NEDD4L: variants seen among roughly 807,000 people sequenced by gnomAD.
The protein encoded by NEDD4L is NEDD4 like E3 ubiquitin protein ligase, also known as E3 ubiquitin-protein ligase NEDD4-like.
A neutral mutation model predicts 148.9 loss-of-function variants in NEDD4L; 54 were observed. The observed-to-expected ratio is 0.36, with a 90% CI of 0.29 to 0.45. The LOEUF (loss-of-function observed/expected upper bound fraction) is 0.45, where lower values mean the gene tolerates loss of function less well. NEDD4L is among the 20% of genes least tolerant of loss of function. The pLI, the probability that NEDD4L is intolerant of heterozygous loss-of-function variation, is 1.00. For synonymous variants in NEDD4L, 433 were observed against 440.7 expected, an observed-to-expected ratio of 0.98 and a Z score of 0.22; for missense variants, 856 against 1,233.8, an observed-to-expected ratio of 0.69 and a Z score of 4.59.
At chr18:58,060,139 G>A (rs2082262641) in intron 1 of NEDD4L, among the ~76,000 whole-genome samples, 1 of 149,850 alleles carries the variant, frequency 6.7e-6, no homozygotes, top group Admixed American at 6.7e-5. Flanking sequence ...GTTGGTTGGG[G>A]GTGGGGTTGG....
intron 1 of NEDD4L, among the ~76,000 whole-genome samples, chr18:58,067,654 T>C (rs1255766197): frequency 6.6e-6 from 1 of 152,202 alleles, no homozygotes; most frequent in Non-Finnish European, 1.5e-5. Flanking sequence ...TGCCACACTT[T>C]TAGTGCTCCT....
rs899936032 is a variant in NEDD4L, at chr18:58,164,122, T to A, written c.49-1666T>A. Among the ~76,000 whole-genome samples the A allele has an allele frequency of 8.6e-5, 13 of 151,340 alleles. No individual in the cohort carries two copies. In the South Asian group the frequency reaches 2.7e-3, roughly 32 times the overall value. On this transcript the variant is annotated intron_variant, in intron 1 of 30. Coordinates refer to ENST00000400345, the MANE Select transcript of NEDD4L (RefSeq NM_001144967.3). ...TTCCAGCCACTGGATTCTCCCTCAG[T>A]CCCCTGTGCTGTGGCCCTTGGTGAC...
At chr18:58,246,446 A>T (rs1284920338) in intron 3 of NEDD4L, among the ~76,000 whole-genome samples, 2 of 152,050 alleles carry the variant, frequency 1.3e-5, no homozygotes, top group Non-Finnish European at 2.9e-5. Context: ...ATTTGTTTCC[A>T]TAAGTATGTC....
chr18:58,388,824 A>G (rs184557480), intron 27 of NEDD4L: 41 of 482,172 alleles, frequency 8.5e-5, no homozygotes, highest in African/African-American at 7.0e-4. Context: ...AGGGAGGACG[A>G]CTGTGGCATT....
chr18:58,167,696 A>G (rs1297721377), intron 2 of NEDD4L, among the ~76,000 whole-genome samples: 1 of 152,092 alleles, frequency 6.6e-6, no homozygotes, highest in Non-Finnish European at 1.5e-5. Flanking sequence ...CCTACTACTT[A>G]ACATATAGAG....
intron 24 of NEDD4L, among the ~76,000 whole-genome samples, chr18:58,381,657 G>A (rs1248825199): frequency 6.6e-6 from 1 of 152,190 alleles, no homozygotes; most frequent in Non-Finnish European, 1.5e-5. Flanking sequence ...GATCTGATAA[G>A]AAAACTCTTA....
At chr18:58,179,448 G>A (rs546717041) in intron 2 of NEDD4L, among the ~76,000 whole-genome samples, 1 of 152,308 alleles carries the variant, frequency 6.6e-6, no homozygotes, top group South Asian at 2.1e-4. Flanking sequence ...TCCGGCTGCT[G>A]TGTCTGGCTT....
intron 2 of NEDD4L, chr18:58,195,319 T>A: frequency 2.4e-6 from 2 of 848,718 alleles, no homozygotes; most frequent in Non-Finnish European, 3.2e-6. Context: ...GTGGTTTGAA[T>A]TGCTTTTTTG....
chr18:58,138,965 CT>C (rs2033179570), intron 1 of NEDD4L, among the ~76,000 whole-genome samples: 1 of 152,144 alleles, frequency 6.6e-6, no homozygotes, highest in Non-Finnish European at 1.5e-5. Context: ...GCCTGGAGCC[CT>C]GCCGGGACCA....
rs1173659512 is a variant in NEDD4L, at chr18:58,220,131, C to T, written c.123-25296C>T. ...CTTGTTTTAAGAATTTGACTGAAAACGGGCTGGGCACGATGGCTCATGCCT... is the reference window on the plus strand; with the variant it reads ...CTTGTTTTAAGAATTTGACTGAAAATGGGCTGGGCACGATGGCTCATGCCT... On this transcript the variant is annotated intron_variant, in intron 2 of 30. Coordinates refer to ENST00000400345, the MANE Select transcript of NEDD4L (RefSeq NM_001144967.3). Among the ~76,000 whole-genome samples, 8 of 152,150 alleles carry T rather than the reference C, an allele frequency of 5.3e-5. No individual in the cohort carries two copies. The South Asian group carries it at 6.2e-4, about 12-fold the overall frequency.
rs534244002 is a variant in NEDD4L, at chr18:58,093,027, A to AT, written c.48+48328dup. 1.2e-4 allele frequency among the ~76,000 whole-genome samples: 18 copies of AT among 151,016 alleles called. 1 individual carries two copies. The South Asian group carries it at 3.2e-3, about 26-fold the overall frequency. The stretch of plus-strand genomic sequence containing the variant: ...AGGTGCCCGCCACCACACCTGGCTA[A>AT]TTTTTTTTTGTATTTTTAGTAGGGA... On this transcript the variant is annotated intron_variant, in intron 1 of 30. Transcript: ENST00000400345.
intron 2 of NEDD4L, among the ~76,000 whole-genome samples, chr18:58,193,235 A>C (rs1279004297): frequency 1.3e-5 from 2 of 152,270 alleles, no homozygotes; most frequent in Non-Finnish European, 2.9e-5. Flanking sequence ...GTATAAAATT[A>C]AACTAAATAC....
chr18:58,052,661 T>C (rs896262982), intron 1 of NEDD4L, among the ~76,000 whole-genome samples: 1 of 124,812 alleles, frequency 8.0e-6, no homozygotes, highest in African/African-American at 3.0e-5. Flanking sequence ...TTTTTTTTTT[T>C]TAAGTTTAAA....
At chr18:58,189,140 G>T (rs2039807764) in intron 2 of NEDD4L, among the ~76,000 whole-genome samples, 2 of 152,146 alleles carry the variant, frequency 1.3e-5, no homozygotes, top group Non-Finnish European at 2.9e-5. Context: ...CCATTCTGCT[G>T]CAAGTACCTA....
chr18:58,393,643 T>C (rs1478543271), intron 30 of NEDD4L, among the ~76,000 whole-genome samples: 1 of 152,220 alleles, frequency 6.6e-6, no homozygotes, highest in African/African-American at 2.4e-5. Flanking sequence ...CTGTTTCTTC[T>C]AAATGGCTTT....
At chr18:58,140,182 G>A (rs371601320) in intron 1 of NEDD4L, among the ~76,000 whole-genome samples, 27 of 152,284 alleles carry the variant, frequency 1.8e-4, no homozygotes, top group East Asian at 7.7e-4. Flanking sequence ...AGGACAGAGC[G>A]TGCAGTCTTG....
chr18:58,108,832 C>G (rs1398518114), intron 1 of NEDD4L, among the ~76,000 whole-genome samples: 1 of 152,152 alleles, frequency 6.6e-6, no homozygotes, highest in Non-Finnish European at 1.5e-5. Context: ...GTCAGATATA[C>G]CATATGACAT....
chr18:58,276,651 C>T (rs1450643142), intron 5 of NEDD4L, among the ~76,000 whole-genome samples: 1 of 150,378 alleles, frequency 6.6e-6, no homozygotes, highest in African/African-American at 2.4e-5. Context: ...TTTGTAAATG[C>T]TAATGTGTTT....
At chr18:58,297,333 G>T (rs961424453) in intron 5 of NEDD4L, among the ~76,000 whole-genome samples, 71 of 152,118 alleles carry the variant, frequency 4.7e-4, no homozygotes, top group African/African-American at 1.7e-3. Flanking sequence ...TTCAGATTCT[G>T]TCCTACAGGG....
Sources: allele counts gnomAD v4.1 joint callset (sites outside exome capture counted in the v4.1 genomes callset), GRCh38; gene constraint gnomAD v4.1.1; transcripts MANE v1.5; gene names NCBI Gene and HGNC (gene_info 2026-07-23, HGNC 2026-07-21).